Variants in LRRC8D observed in about 807,000 individuals in gnomAD.
The protein encoded by LRRC8D is volume-regulated anion channel subunit LRRC8D.
A neutral mutation model predicts 55.8 loss-of-function variants in LRRC8D; 20 were observed. The ratio of observed to expected loss-of-function variants is 0.36; its 90% CI spans 0.25 to 0.52. LRRC8D has a LOEUF of 0.52. Among genes scored for constraint, LRRC8D ranks in the 20% least tolerant of loss-of-function variants. LRRC8D has a pLI of 0.93. For synonymous variants in LRRC8D, 352 were observed against 377.0 expected (o/e 0.93, Z 0.77); for missense variants, 651 against 1,030.8 (o/e 0.63, Z 5.05).
At chr1:89,834,341 A>G (rs1431569691) in intron 1 of LRRC8D, among the ~76,000 whole-genome samples, 3 of 152,316 alleles carry the variant, frequency 2.0e-5, no homozygotes, top group South Asian at 4.1e-4. Context: ...AACAACGGCT[A>G]TCATGTTAGT....
intron 2 of LRRC8D, among the ~76,000 whole-genome samples, chr1:89,885,980 G>T (rs1662409676): frequency 6.6e-6 from 1 of 152,072 alleles, no homozygotes; most frequent in East Asian, 1.9e-4. Flanking sequence ...AATTATTCTG[G>T]TTTGTTGAGA....
intron 2 of LRRC8D, among the ~76,000 whole-genome samples, chr1:89,847,020 A>T (rs1661298926): frequency 1.3e-5 from 2 of 152,174 alleles, no homozygotes; most frequent in Admixed American, 6.6e-5. Flanking sequence ...ACAGTAATCC[A>T]CTGAGAGGCT....
chr1:89,894,365 A>G (rs1333831370), intron 2 of LRRC8D, among the ~76,000 whole-genome samples: 1 of 152,236 alleles, frequency 6.6e-6, no homozygotes, highest in Non-Finnish European at 1.5e-5. Flanking sequence ...AGCCGAGCAC[A>G]TAGCATTCTT....
chr1:89,842,128 G>C (rs1033845178), intron 1 of LRRC8D, among the ~76,000 whole-genome samples: 1 of 149,314 alleles, frequency 6.7e-6, no homozygotes, highest in Non-Finnish European at 1.5e-5. Flanking sequence ...CAGGAGAATC[G>C]TTTGAACCCG....
rs1662235977 is a variant in LRRC8D, at chr1:89,879,814, A to G, written c.-3+36032A>G. Among the ~76,000 whole-genome samples the G allele has an allele frequency of 2.0e-5, 3 of 152,312 alleles. 1 individual carries two copies. The highest frequency in any genetic ancestry group is 3.9e-4 in the East Asian group (2 of 5,180). ...GTACCCATCACAGTGTGCTAGCTTCATGAGGGATAAAAACATAAATATGGT... is the reference window on the plus strand; with the variant it reads ...GTACCCATCACAGTGTGCTAGCTTCGTGAGGGATAAAAACATAAATATGGT... On this transcript the variant is annotated intron_variant, in intron 2 of 2. Transcript: ENST00000337338.
chr1:89,839,357 C>T (rs534886691), intron 1 of LRRC8D, among the ~76,000 whole-genome samples: 22 of 152,246 alleles, frequency 1.4e-4, no homozygotes, highest in Non-Finnish European at 2.9e-4. Flanking sequence ...AGAGAGATAC[C>T]AGCTCAGGCC....
chr1:89,927,067 C>T (rs1421835000), intron 2 of LRRC8D, among the ~76,000 whole-genome samples: 1 of 152,212 alleles, frequency 6.6e-6, no homozygotes, highest in Admixed American at 6.5e-5. Flanking sequence ...ACCTCTGCAC[C>T]TTCTTTTCTA....
intron 1 of LRRC8D, 194 bp from the exon 2 acceptor site, chr1:89,843,444 C>T (rs1353497097): frequency 7.8e-6 from 3 of 383,108 alleles, no homozygotes; most frequent in African/African-American, 2.1e-5. Context: ...GGGCCGAGGC[C>T]GCGCCACCTC....
At chr1:89,907,049 A>G (rs767329216) in intron 2 of LRRC8D, among the ~76,000 whole-genome samples, 2 of 151,348 alleles carry the variant, frequency 1.3e-5, no homozygotes, top group African/African-American at 2.4e-5. Flanking sequence ...GGGTAACTCA[A>G]CTCCTCCAAA....
chr1:89,934,232 C>G lies in LRRC8D; in HGVS notation c.1164C>G (p.Phe388Leu). ...GCCTCTACACTCTCTTCTGGTTATT[C>G]AGGATACCTTTGAAGGAATATTCTT... Reference protein sequence around the residue: ...FICLYTLFWLFRIPLKEYSFE... With the variant: ...FICLYTLFWLLRIPLKEYSFE... The change falls in exon 3 of 3, where the codon TTC (phenylalanine) becomes TTG (leucine). Residue 388 changes from phenylalanine (F) to leucine (L), a missense_variant. Physicochemically the swap from Phe to Leu is conservative, Grantham distance 22. Transcript: ENST00000337338. The surrounding 1 kb of genome is among the most constrained non-coding windows in gnomAD (Gnocchi z 5.9). The G allele has an allele frequency of 6.2e-7, 1 of 1,614,078 alleles. No individual in the cohort carries two copies.
intron 2 of LRRC8D, among the ~76,000 whole-genome samples, chr1:89,920,359 A>T (rs928332170): frequency 2.0e-5 from 3 of 152,178 alleles, no homozygotes; most frequent in Admixed American, 1.3e-4. Context: ...TGTTAAATGG[A>T]TTTATAAAAA....
At chr1:89,925,315 T>C (rs946497465) in intron 2 of LRRC8D, among the ~76,000 whole-genome samples, 1 of 152,168 alleles carries the variant, frequency 6.6e-6, no homozygotes, top group Admixed American at 6.5e-5. Context: ...AGCTCAGGGA[T>C]CGCGCTGATT....
At chr1:89,897,221 C>CT (rs1662735814) in intron 2 of LRRC8D, among the ~76,000 whole-genome samples, 1 of 152,152 alleles carries the variant, frequency 6.6e-6, no homozygotes, top group Non-Finnish European at 1.5e-5. Context: ...TACCTTCTTG[C>CT]TAGTATTTTA....
chr1:89,851,761 C>T (rs903701700), intron 2 of LRRC8D, among the ~76,000 whole-genome samples: 24 of 152,232 alleles, frequency 1.6e-4, no homozygotes, highest in Non-Finnish European at 2.1e-4. Context: ...CCACCTGCCT[C>T]GGCCTCCCAA....
chr1:89,888,363 T>C (rs919882833), intron 2 of LRRC8D, among the ~76,000 whole-genome samples: 1 of 152,198 alleles, frequency 6.6e-6, no homozygotes, highest in African/African-American at 2.4e-5. Flanking sequence ...CACTTTGGAA[T>C]GGAAAGTTAT....
chr1:89,839,530 A>G (rs1557443930), intron 1 of LRRC8D, among the ~76,000 whole-genome samples: 1 of 152,098 alleles, frequency 6.6e-6, no homozygotes, highest in Non-Finnish European at 1.5e-5. Context: ...GCATTTTGTC[A>G]TGTGAAATGA....
At chr1:89,909,865 CA>C (rs199845267) in intron 2 of LRRC8D, among the ~76,000 whole-genome samples, 28,999 of 93,756 alleles carry the variant, frequency 0.31, 2,778 homozygotes, top group Middle Eastern at 0.41. Context: ...GACTCCGTCT[CA>C]AAAAAAAAAA....
rs182974547 is a variant in LRRC8D, at chr1:89,849,628, T to C, written c.-3+5846T>C. Among the ~76,000 whole-genome samples the C allele has an allele frequency of 1.4e-3, 207 of 152,274 alleles. 1 individual carries two copies. The highest frequency in any genetic ancestry group is 4.9e-3 in the African/African-American group (202 of 41,554). On this transcript the variant is annotated intron_variant, in intron 2 of 2. Transcript: ENST00000337338. ...TTCTGATTGCTAGTGAGGCTGAACA[T>C]GTCTTCATTTACTTAATTTAATTTC...
At chr1:89,894,225 G>C (rs940276155) in intron 2 of LRRC8D, among the ~76,000 whole-genome samples, 6 of 152,196 alleles carry the variant, frequency 3.9e-5, no homozygotes, top group African/African-American at 1.4e-4. Context: ...TTGGTACCCT[G>C]ATCTTAGATT....
Sources: allele counts gnomAD v4.1 joint callset (sites outside exome capture counted in the v4.1 genomes callset), GRCh38; gene constraint gnomAD v4.1.1; non-coding constraint Gnocchi (gnomAD v3.1); transcripts MANE v1.5; gene names NCBI Gene and HGNC (gene_info 2026-07-23, HGNC 2026-07-21).